PCDHGA5: variants seen among roughly 807,000 people sequenced by gnomAD.
PCDHGA5 encodes protocadherin gamma-A5.
In PCDHGA5, 36 loss-of-function variants were observed where a neutral mutation model predicts 56.7. The observed-to-expected ratio is 0.64, with a 90% confidence interval of 0.49 to 0.84. The LOEUF (loss-of-function observed/expected upper bound fraction) is 0.84, where lower values mean the gene tolerates loss of function less well. Among genes scored for constraint, PCDHGA5 ranks in the 40% least tolerant of loss-of-function variants. The pLI, the probability that PCDHGA5 is intolerant of heterozygous loss-of-function variation, is 0.00. For missense variants in PCDHGA5, 1,305 were observed against 1,201.5 expected, an observed-to-expected ratio of 1.09 and a Z score of -1.27; for synonymous variants, 563 against 520.2, an observed-to-expected ratio of 1.08 and a Z score of -1.12.
At chr5:141,383,218 A>C in intron 1 of PCDHGA5, 1 of 1,614,020 alleles carries the variant, frequency 6.2e-7, no homozygotes, top group Non-Finnish European at 8.5e-7. Context: ...GGTAAACTTT[A>C]ACATCCTGAT....
intron 1 of PCDHGA5, among the ~76,000 whole-genome samples, chr5:141,439,406 C>T (rs2098110611): frequency 6.6e-6 from 1 of 152,190 alleles, no homozygotes; most frequent in Non-Finnish European, 1.5e-5. Flanking sequence ...CATGTGCTAA[C>T]ATCACTGAGG....
intron 1 of PCDHGA5, chr5:141,371,436 A>C: frequency 6.2e-7 from 1 of 1,613,990 alleles, no homozygotes; most frequent in Non-Finnish European, 8.5e-7. Flanking sequence ...CCCGGAGATA[A>C]CCCTGGCTTC....
chr5:141,381,826 C>CTTTTTTTTTTTTTTTTTTTTTTTTT (rs770630741), intron 1 of PCDHGA5, among the ~76,000 whole-genome samples: 4 of 74,290 alleles, frequency 5.4e-5, no homozygotes, highest in African/African-American at 1.2e-4. Context: ...CTTTCTTCTT[C>CTTTTTTTTTTTTTTTTTTTTTTTTT]TTTTTTTTTT....
chr5:141,430,587 T>C, intron 1 of PCDHGA5: 1 of 521,996 alleles, frequency 1.9e-6, no homozygotes, highest in Non-Finnish European at 3.1e-6. Context: ...CCTGCTCGCC[T>C]TGCACGCGCC....
In PCDHGA5 at chr5:141,490,084, G is replaced by A. The variant is rs772917260; in HGVS notation, c.2422-4723G>A. The A allele has an allele frequency of 4.3e-6, 7 of 1,614,104 alleles. No individual in the cohort carries two copies. ...CAACGGCCAACTAGACTATTCTTTT[G>A]GAGACCACACATCTGAGGCAGTGCG... On this transcript the variant is annotated intron_variant, in intron 1 of 3. Transcript: ENST00000518069. The surrounding 1 kb of genome is among the most constrained non-coding windows in gnomAD (Gnocchi z 5.4).
intron 3 of PCDHGA5, among the ~76,000 whole-genome samples, chr5:141,506,444 CA>C (rs1219684339): frequency 0.54 from 51,660 of 95,006 alleles, 10,715 homozygotes; most frequent in African/African-American, 0.61. Context: ...CGCTCTGTCT[CA>C]AAAAAAAAAA....
intron 1 of PCDHGA5, chr5:141,372,339 G>A (rs751001716): frequency 6.2e-7 from 1 of 1,613,798 alleles, no homozygotes; most frequent in South Asian, 1.1e-5. Flanking sequence ...TGTGCGTGAT[G>A]GAGGACAGCA....
intron 1 of PCDHGA5, chr5:141,403,339 C>T (rs2094393588): frequency 1.2e-6 from 2 of 1,613,892 alleles, no homozygotes; most frequent in Admixed American, 1.7e-5. Context: ...TTAACGACAG[C>T]GCCCCAAAGT....
intron 1 of PCDHGA5, chr5:141,404,571 C>T: frequency 6.2e-7 from 1 of 1,613,720 alleles, no homozygotes; most frequent in Non-Finnish European, 8.5e-7. Flanking sequence ...AGTGGAAGCC[C>T]ACCACTTAGC....
At position 141,490,545 on chromosome 5, in the gene PCDHGA5, C is replaced by T; in HGVS notation, c.2422-4262C>T. 3 of 1,614,164 alleles carry T rather than the reference C, an allele frequency of 1.9e-6. No homozygotes were observed. The highest frequency in any genetic ancestry group is 2.5e-6 in the Non-Finnish European group (3 of 1,180,018). ...GCGATGCTGGTTCACCTTCCCTACA[C>T]AAACATCTCACCATCAGGCTCAACA... On this transcript the variant is annotated intron_variant, in intron 1 of 3. Coordinates refer to ENST00000518069, the MANE Select transcript of PCDHGA5 (RefSeq NM_018918.3). The surrounding 1 kb of genome is among the most constrained non-coding windows in gnomAD (Gnocchi z 5.4).
chr5:141,453,848 C>T (rs1045684685), intron 1 of PCDHGA5, among the ~76,000 whole-genome samples: 38 of 152,290 alleles, frequency 2.5e-4, no homozygotes, highest in Non-Finnish European at 4.4e-4. Context: ...GTCCACAGAG[C>T]ACTTTGAAAA....
intron 1 of PCDHGA5, chr5:141,417,205 C>G (rs1217296715): frequency 6.6e-6 from 1 of 151,986 alleles, no homozygotes; most frequent in Non-Finnish European, 1.5e-5. Context: ...TGAATATAGG[C>G]TAGAATTGAA....
rs764729742 is a variant in PCDHGA5 at position 141,450,826 on chromosome 5, A to ATTT, written c.2422-43979_2422-43978insTTT. On this transcript the variant is annotated intron_variant, in intron 1 of 3. Coordinates refer to ENST00000518069, the MANE Select transcript of PCDHGA5 (RefSeq NM_018918.3). ...TATTTATTTATTTAATATTATTATT[A>ATTT]TTATTTTTTTTTTTTTGAGATGGGG... 5.5e-3 allele frequency among the ~76,000 whole-genome samples: 742 copies of ATTT among 134,318 alleles called. 10 individuals are homozygous for ATTT. The highest frequency in any genetic ancestry group is 0.013 in the Middle Eastern group (3 of 230). 88.1% of individuals were successfully genotyped at this position (134,318 alleles called of 152,430 possible).
At chr5:141,380,666 A>G (rs1338427097) in intron 1 of PCDHGA5, among the ~76,000 whole-genome samples, 1 of 152,250 alleles carries the variant, frequency 6.6e-6, no homozygotes, top group African/African-American at 2.4e-5. Flanking sequence ...CATTTACTCC[A>G]TAGGGTATGT....
At chr5:141,435,446 G>C (rs889481920) in intron 1 of PCDHGA5, among the ~76,000 whole-genome samples, 5 of 152,060 alleles carry the variant, frequency 3.3e-5, no homozygotes, top group African/African-American at 2.4e-5. Context: ...TCATTAATAC[G>C]ATATCTGTAT....
intron 1 of PCDHGA5, chr5:141,404,498 G>A (rs1237860716): frequency 6.2e-7 from 1 of 1,613,878 alleles, no homozygotes; most frequent in East Asian, 2.2e-5. Context: ...TGTGCTGTAT[G>A]CTCTGTGCTC....
rs867810670 is a variant in PCDHGA5 at position 141,385,551 on chromosome 5, T to C, written c.2421+18800T>C. 11 of 1,313,528 alleles carry C rather than the reference T, an allele frequency of 8.4e-6. No individual in the cohort carries two copies. The African/African-American group carries it at 9.1e-5, about 11-fold the overall frequency. 81.4% of individuals were successfully genotyped at this position (1,313,528 alleles called of 1,614,324 possible). ...GATTATGAATATGTGGACTATCACA[T>C]TTTATAATTTCCACCTACTTTCCAA... On this transcript the variant is annotated intron_variant, in intron 1 of 3. Transcript: ENST00000518069.
Position 141,366,446 on chromosome 5 carries a change from G to T in PCDHGA5, c.2116G>T (p.Ala706Ser). 6.2e-7 allele frequency: 1 copy of T among 1,614,178 alleles called. No homozygotes were observed. The highest frequency in any genetic ancestry group is 1.1e-5 in the South Asian group (1 of 91,090). Residue 706 changes from alanine to serine, a missense_variant, in exon 1 of 4, where the codon GCC (alanine) becomes TCC (serine). Ala to Ser is a moderately conservative substitution (Grantham distance 99). Transcript: ENST00000518069. ...AVAAVSCVFL[A>S]FVIVLLVLRL... ...GGCTGCAGTCTCCTGCGTCTTCCTG[G>T]CCTTCGTCATCGTGCTGCTGGTGCT...
intron 1 of PCDHGA5, among the ~76,000 whole-genome samples, chr5:141,401,352 G>C (rs1381325058): frequency 6.6e-6 from 1 of 152,080 alleles, no homozygotes; most frequent in Non-Finnish European, 1.5e-5. Flanking sequence ...CAAAAAAAAG[G>C]AAGGAGAAGG....
Sources: allele counts gnomAD v4.1 joint callset (sites outside exome capture counted in the v4.1 genomes callset), GRCh38; gene constraint gnomAD v4.1.1; non-coding constraint Gnocchi (gnomAD v3.1); transcripts MANE v1.5; gene names NCBI Gene and HGNC (gene_info 2026-07-23, HGNC 2026-07-21).